Variants in RIMS1 observed in about 807,000 individuals in gnomAD.
The protein encoded by RIMS1 is regulating synaptic membrane exocytosis protein 1.
In RIMS1, 83 loss-of-function variants were observed where a neutral mutation model predicts 214.1. That is an observed-to-expected ratio of 0.39 (90% confidence interval 0.32 to 0.47). The LOEUF is 0.47. RIMS1 is among the 20% of genes least tolerant of loss of function. The probability of loss-of-function intolerance (pLI) is 0.99; values close to 1 mark genes in which losing one functional copy is unlikely to be tolerated. For missense variants in RIMS1, 2,050 were observed against 2,161.8 expected, an observed-to-expected ratio of 0.95 and a Z score of 1.03; for synonymous variants, 793 against 786.8, an observed-to-expected ratio of 1.01 and a Z score of -0.13.
chr6:72,304,557 A>T (rs1032678517), intron 26 of RIMS1, among the ~76,000 whole-genome samples: 2 of 151,872 alleles, frequency 1.3e-5, no homozygotes, highest in African/African-American at 4.8e-5. Flanking sequence ...GGCTTGACAC[A>T]TCTGCAATAC....
chr6:72,127,521 C>A (rs1230749651), intron 4 of RIMS1, among the ~76,000 whole-genome samples: 1 of 152,106 alleles, frequency 6.6e-6, no homozygotes, highest in Non-Finnish European at 1.5e-5. Flanking sequence ...TTTAGTCCTC[C>A]AATTCTCCCA....
At chr6:72,358,168 G>GA (rs111829494) in intron 29 of RIMS1, among the ~76,000 whole-genome samples, 65 of 142,456 alleles carry the variant, frequency 4.6e-4, no homozygotes, top group African/African-American at 7.2e-4. Context: ...AGAACAGAAA[G>GA]AAAAAAAAAA....
intron 28 of RIMS1, among the ~76,000 whole-genome samples, chr6:72,329,927 A>G (rs1414183272): frequency 1.3e-5 from 2 of 151,768 alleles, no homozygotes; most frequent in African/African-American, 4.8e-5. Flanking sequence ...ATAAATCTGG[A>G]GTCCAGGGCT....
chr6:72,216,574 G>T, intron 6 of RIMS1: 1 of 985,502 alleles, frequency 1.0e-6, no homozygotes, highest in Non-Finnish European at 1.2e-6. Flanking sequence ...CAGAGGAAAT[G>T]ATCTGTTACA....
chr6:72,205,009 CA>C (rs1562571925), intron 6 of RIMS1, among the ~76,000 whole-genome samples: 1 of 152,058 alleles, frequency 6.6e-6, no homozygotes, highest in African/African-American at 2.4e-5. Context: ...CATTGGATGA[CA>C]AGACATTATT....
At chr6:71,916,859 A>AT (rs1367552420) in intron 1 of RIMS1, among the ~76,000 whole-genome samples, 19 of 152,272 alleles carry the variant, frequency 1.2e-4, no homozygotes, top group Admixed American at 9.8e-4. Flanking sequence ...GAAGTGGGAC[A>AT]ACCAGAGGCT....
At chr6:71,937,904 A>T (rs994985612) in intron 1 of RIMS1, among the ~76,000 whole-genome samples, 2 of 152,182 alleles carry the variant, frequency 1.3e-5, no homozygotes, top group African/African-American at 4.8e-5. Context: ...ATCTTAACTC[A>T]TTCCAGCTTC....
At chr6:71,997,159 G>A (rs906227789) in intron 2 of RIMS1, among the ~76,000 whole-genome samples, 5 of 152,152 alleles carry the variant, frequency 3.3e-5, no homozygotes, top group Admixed American at 6.5e-5. Context: ...TCACTTTCAT[G>A]TAATTTTAGA....
intron 4 of RIMS1, among the ~76,000 whole-genome samples, chr6:72,137,066 T>G (rs2041407975): frequency 6.6e-6 from 1 of 152,048 alleles, no homozygotes; most frequent in African/African-American, 2.4e-5. Flanking sequence ...ATGTATCTTT[T>G]TGTTGACTAT....
chr6:72,120,598 A>T (rs886442243), intron 4 of RIMS1, among the ~76,000 whole-genome samples: 1 of 151,888 alleles, frequency 6.6e-6, no homozygotes, highest in East Asian at 1.9e-4. Flanking sequence ...CCCATTTTGT[A>T]GGTTGCCTGT....
At chr6:71,927,203 A>G (rs924289451) in intron 1 of RIMS1, among the ~76,000 whole-genome samples, 1 of 152,176 alleles carries the variant, frequency 6.6e-6, no homozygotes, top group African/African-American at 2.4e-5. Context: ...ATACCTGTGT[A>G]CCACTCTACT....
intron 6 of RIMS1, among the ~76,000 whole-genome samples, chr6:72,193,840 A>C (rs1002458973): frequency 6.6e-6 from 1 of 152,190 alleles, no homozygotes; most frequent in Non-Finnish European, 1.5e-5. Context: ...ATAATTATCA[A>C]TATCTATAAT....
intron 2 of RIMS1, among the ~76,000 whole-genome samples, chr6:72,006,844 A>G (rs942745678): frequency 4.6e-5 from 7 of 152,160 alleles, no homozygotes; most frequent in South Asian, 2.1e-4. Context: ...AACTTGGTGG[A>G]GCCCACCACA....
intron 6 of RIMS1, among the ~76,000 whole-genome samples, chr6:72,222,036 A>G (rs955569876): frequency 1.3e-5 from 2 of 152,012 alleles, no homozygotes; most frequent in African/African-American, 4.8e-5. Flanking sequence ...TTATGTCTCA[A>G]TTGGGAACGT....
intron 6 of RIMS1, among the ~76,000 whole-genome samples, chr6:72,212,494 G>A (rs1169432715): frequency 6.6e-6 from 1 of 152,076 alleles, no homozygotes; most frequent in Non-Finnish European, 1.5e-5. Context: ...AAACAAAAGT[G>A]TATTTCTTCA....
chr6:72,035,286 C>G (rs1819318980), intron 2 of RIMS1, among the ~76,000 whole-genome samples: 1 of 152,004 alleles, frequency 6.6e-6, no homozygotes, highest in Non-Finnish European at 1.5e-5. Context: ...TATCAGATAC[C>G]TACAAATGGT....
chr6:72,398,669 A>G (rs2098806525), intron 32 of RIMS1, among the ~76,000 whole-genome samples: 1 of 152,176 alleles, frequency 6.6e-6, no homozygotes, highest in African/African-American at 2.4e-5. Flanking sequence ...CTAATCATAA[A>G]AAGGTAACAA....
chr6:72,216,045 A>G (rs559829433), intron 6 of RIMS1, among the ~76,000 whole-genome samples: 1 of 152,306 alleles, frequency 6.6e-6, no homozygotes, highest in Non-Finnish European at 1.5e-5. Flanking sequence ...TTTTCAGCAA[A>G]TAATCCCTAG....
chr6:71,890,841 A>C (rs1410148931), intron 1 of RIMS1, among the ~76,000 whole-genome samples: 2 of 151,606 alleles, frequency 1.3e-5, no homozygotes, highest in Non-Finnish European at 2.9e-5. Flanking sequence ...CCTGTGCAGA[A>C]GGTAAACCAA....
Sources: gnomAD v4.1 joint callset for allele counts (sites outside exome capture counted in the v4.1 genomes callset) on GRCh38, gnomAD v4.1.1 for gene constraint, MANE v1.5 for transcripts, NCBI Gene and HGNC (gene_info 2026-07-23, HGNC 2026-07-21) for gene names.